NAV1: variants seen among roughly 807,000 people sequenced by gnomAD.
NAV1 encodes neuron navigator 1, also known as pore membrane and/or filament interacting like protein 3.
In NAV1, 18 loss-of-function variants were observed where a neutral mutation model predicts 175.2. The ratio of observed to expected loss-of-function variants is 0.10; its 90% CI spans 0.07 to 0.15. The LOEUF (loss-of-function observed/expected upper bound fraction) is 0.15. Ranked by LOEUF, NAV1 falls within the 10% of genes least tolerant of loss-of-function variation. The pLI is 1.00. For synonymous variants in NAV1, 897 were observed against 978.7 expected (o/e 0.92, Z 1.56); for missense variants, 1,731 against 2,436.6 (o/e 0.71, Z 6.10).
intron 1 of NAV1, among the ~76,000 whole-genome samples, chr1:201,666,026 G>A (rs1410605797): frequency 6.6e-6 from 1 of 152,148 alleles, no homozygotes; most frequent in Non-Finnish European, 1.5e-5. Flanking sequence ...CTCCGAGGGA[G>A]TGGGCAGCTG....
intron 1 of NAV1, among the ~76,000 whole-genome samples, chr1:201,568,211 C>T (rs1404258973): frequency 6.6e-6 from 1 of 152,204 alleles, no homozygotes; most frequent in Non-Finnish European, 1.5e-5. Context: ...GATGGACTGG[C>T]ATCAGAGCAA....
chr1:201,615,567 T>C (rs941763236), intron 2 of NAV1, among the ~76,000 whole-genome samples: 4 of 152,112 alleles, frequency 2.6e-5, no homozygotes, highest in African/African-American at 9.6e-5. Flanking sequence ...TTGGCCAATT[T>C]CTGCCATTTC....
chr1:201,789,939 G>A, intron 11 of NAV1, 147 bp downstream of exon 15: 1 of 739,852 alleles, frequency 1.4e-6, no homozygotes, highest in East Asian at 2.6e-5. Context: ...AATGGGGGAG[G>A]CACCTAGAGC....
In NAV1 at chr1:201,661,245, AGCCCAG is replaced by A. The variant is rs557737517; in HGVS notation, c.757+11824_757+11829del. 9.3e-4 allele frequency among the ~76,000 whole-genome samples: 142 copies of A among 152,288 alleles called. No homozygotes were observed. In the Middle Eastern group the frequency reaches 0.017, roughly 18 times the overall value. ...ACATCAGTCTAGCAATGGTCCTTAG[AGCCCAG>A]GCCTATAGGAATCGGTTCTCTCTTG... On this transcript the variant is annotated intron_variant, in intron 1 of 29. Coordinates refer to ENST00000367296, the Ensembl canonical transcript of NAV1.
At chr1:201,643,964 T>G (rs1254908798), upstream of NAV1, among the ~76,000 whole-genome samples, 1 of 152,226 alleles carries the variant, frequency 6.6e-6, no homozygotes, top group Non-Finnish European at 1.5e-5. Flanking sequence ...TGTCAACAGA[T>G]GTAGTCAAAT....
intron 3 of NAV1, among the ~76,000 whole-genome samples, chr1:201,766,627 C>T (rs1244652246): frequency 1.3e-5 from 2 of 152,168 alleles, no homozygotes; most frequent in Non-Finnish European, 2.9e-5. Flanking sequence ...AATGTTACCA[C>T]ATTTGTTGCC....
At position 201,581,248 on chromosome 1, in the gene NAV1, G is replaced by A. The variant is rs899346976; in HGVS notation, c.-143-7291G>A. ...AGGGTTGAACACAGGCAGTGGTGGT[G>A]GAGATGGGTTGCAGGGATAATCTTG... On this transcript the variant is annotated intron_variant, in intron 1 of 33. Transcript: ENST00000685211. 3.7e-4 allele frequency among the ~76,000 whole-genome samples: 57 copies of A among 152,174 alleles called. 1 individual carries two copies. The highest frequency in any genetic ancestry group is 1.3e-3 in the African/African-American group (52 of 41,428).
At chr1:201,589,776 G>GCCAC (rs892930144) in intron 2 of NAV1, among the ~76,000 whole-genome samples, 2 of 152,224 alleles carry the variant, frequency 1.3e-5, no homozygotes, top group African/African-American at 4.8e-5. Context: ...ACAGGCGTGA[G>GCCAC]CCACCGTGCC....
chr1:201,662,217 TGACGTTTC>T (rs545843837), intron 1 of NAV1, among the ~76,000 whole-genome samples: 171 of 152,380 alleles, frequency 1.1e-3, no homozygotes, highest in Middle Eastern at 6.8e-3. Flanking sequence ...GGACCCACTC[TGACGTTTC>T]CTATAAGAGT....
intron 1 of NAV1, among the ~76,000 whole-genome samples, chr1:201,699,583 A>G (rs1193994174): frequency 6.6e-6 from 1 of 152,256 alleles, no homozygotes; most frequent in East Asian, 1.9e-4. Flanking sequence ...AGAATTGGAA[A>G]AAACTACTTT....
At chr1:201,800,447 A>C (rs1175738822) in intron 15 of NAV1, among the ~76,000 whole-genome samples, 1 of 152,250 alleles carries the variant, frequency 6.6e-6, no homozygotes, top group Non-Finnish European at 1.5e-5. Flanking sequence ...TTGTAAATAA[A>C]GTTTTATTGG....
Position 201,596,615 on chromosome 1 carries a change from C to T in NAV1, c.-33+7966C>T, listed in dbSNP as rs143748679. Among the ~76,000 whole-genome samples, 245 of 152,332 alleles carry T rather than the reference C, an allele frequency of 1.6e-3. 1 individual carries two copies. The highest frequency in any genetic ancestry group is 5.6e-3 in the African/African-American group (233 of 41,556). On this transcript the variant is annotated intron_variant, in intron 2 of 33. Coordinates refer to the NAV1 transcript ENST00000685211. ...ACTTAGTGCCTGGTCATGAGATTCC[C>T]ATTTCCATCATTCTCCAGTTACTTC... is the stretch of plus-strand genomic sequence containing the variant.
At chr1:201,588,273 T>G (rs1667090972) in intron 1 of NAV1, among the ~76,000 whole-genome samples, 1 of 152,230 alleles carries the variant, frequency 6.6e-6, no homozygotes, top group Non-Finnish European at 1.5e-5. Context: ...TGGATAAATC[T>G]TGAAAACATC....
intron 1 of NAV1, among the ~76,000 whole-genome samples, chr1:201,686,664 T>C (rs1670696159): frequency 6.6e-6 from 1 of 152,244 alleles, no homozygotes; most frequent in Admixed American, 6.5e-5. Flanking sequence ...CCAACCCATT[T>C]GCTTATTTCC....
At chr1:201,757,258 T>C (rs963864390) in intron 3 of NAV1, among the ~76,000 whole-genome samples, 27 of 152,200 alleles carry the variant, frequency 1.8e-4, no homozygotes, top group African/African-American at 6.3e-4. Flanking sequence ...TCTTTCTTTT[T>C]TCTTTTTCTT....
At position 201,752,777 on chromosome 1, in the gene NAV1, G is replaced by A. The variant is rs559481512; in HGVS notation, c.1227-27644G>A. Among the ~76,000 whole-genome samples, 261 of 152,254 alleles carry A rather than the reference G, an allele frequency of 1.7e-3. 1 individual carries two copies. The highest frequency in any genetic ancestry group is 2.9e-3 in the South Asian group (14 of 4,824). On this transcript the variant is annotated intron_variant, in intron 3 of 29. Coordinates refer to ENST00000367296, the Ensembl canonical transcript of NAV1. The stretch of plus-strand genomic sequence containing the variant: ...GAAAAAAATCATTTCTAAGGACTGT[G>A]TTCAGAATATTTGTCTGCCAATTGT...
In NAV1 at chr1:201,810,012, A is replaced by G. The variant is rs374073114; in HGVS notation, c.4468A>G (p.Ser1490Gly). 7 of 1,614,076 alleles carry G rather than the reference A, an allele frequency of 4.3e-6. No homozygotes were observed. Among genetic ancestry groups the G allele is most frequent in the Non-Finnish European group, 5.9e-6 (7 of 1,179,978 alleles). Residue 1490 changes from serine to glycine, a missense_variant, in exon 23 of 30, where the codon AGC (serine) becomes GGC (glycine). This residue lies in a region of NAV1 where 36 missense variants were observed against 45.3 expected (regional missense o/e 0.80). Coordinates refer to ENST00000367296, the Ensembl canonical transcript of NAV1. The surrounding 1 kb of genome is among the most constrained non-coding windows in gnomAD (Gnocchi z 6.0). ...AAGCACTGAGTCCATCCATGGCTAC[A>G]GCATCAGCCACGTGAAACGAGTGTT...
chr1:201,620,883 T>G (rs950966768), upstream of NAV1, among the ~76,000 whole-genome samples: 2 of 152,162 alleles, frequency 1.3e-5, no homozygotes, highest in Admixed American at 1.3e-4. Flanking sequence ...TCTAATAAAG[T>G]CTTTGGTTTT....
chr1:201,729,364 G>A (rs1456028334), intron 3 of NAV1, among the ~76,000 whole-genome samples: 1 of 152,210 alleles, frequency 6.6e-6, no homozygotes, highest in African/African-American at 2.4e-5. Flanking sequence ...ACACTTGGTG[G>A]CCAGGCACAG....
Sources: gnomAD v4.1 joint callset for allele counts (sites outside exome capture counted in the v4.1 genomes callset) on GRCh38, gnomAD v4.1.1 for gene constraint, gnomAD v4.1.1 regional missense constraint, Gnocchi (gnomAD v3.1) non-coding constraint, MANE v1.5 for transcripts, NCBI Gene and HGNC (gene_info 2026-07-23, HGNC 2026-07-21) for gene names.